Variants in PDE10A observed in about 807,000 individuals in gnomAD.
The protein encoded by PDE10A is phosphodiesterase 10A, also known as cAMP and cAMP-inhibited cGMP 3',5'-cyclic phosphodiesterase 10A.
A neutral mutation model predicts 97.7 loss-of-function variants in PDE10A; 39 were observed. The observed-to-expected ratio is 0.40, with a 90% confidence interval of 0.31 to 0.52. PDE10A has a LOEUF of 0.52. Among genes scored for constraint, PDE10A ranks in the 20% least tolerant of loss-of-function variants. The pLI is 0.56. For synonymous variants in PDE10A, 371 were observed against 376.8 expected, an observed-to-expected ratio of 0.98 and a Z score of 0.18; for missense variants, 731 against 1,047.8, an observed-to-expected ratio of 0.70 and a Z score of 4.17.
At chr6:165,458,916 T>A (rs1161738512) in intron 3 of PDE10A, among the ~76,000 whole-genome samples, 1 of 152,170 alleles carries the variant, frequency 6.6e-6, no homozygotes, top group African/African-American at 2.4e-5. Flanking sequence ...TATAAAGGAT[T>A]ATGACCCCCC....
chr6:165,568,043 G>A (rs563549983), intron 1 of PDE10A, among the ~76,000 whole-genome samples: 1 of 121,728 alleles, frequency 8.2e-6, no homozygotes, highest in Non-Finnish European at 1.6e-5. Flanking sequence ...CTGTCGCCCA[G>A]GCTGGAGTGC....
Position 165,328,800 on chromosome 6 carries a change from TACAG to T in PDE10A, c.*4221_*4224del, listed in dbSNP as rs765685007. 1 of 152,218 alleles carries T rather than the reference TACAG, an allele frequency of 6.6e-6. No individual in the cohort carries two copies. Among genetic ancestry groups the T allele is most frequent in the Admixed American group, 6.5e-5 (1 of 15,278 alleles). 9.4% of individuals were successfully genotyped at this position (152,218 alleles called of 1,614,324 possible). A position where few individuals can be genotyped will look rare whatever the true frequency, so the allele number is the denominator to read the frequency against. ...TTATCATATAAAATGCTTCCAACGC[TACAG>T]ACAACCAAAATATTCCGTTGGAAAA... On this transcript the variant is annotated 3_prime_UTR_variant, in exon 22 of 22. Transcript: ENST00000539869.
chr6:165,609,725 G>T (rs1337143569), intron 1 of PDE10A, among the ~76,000 whole-genome samples: 1 of 152,090 alleles, frequency 6.6e-6, no homozygotes, highest in East Asian at 1.9e-4. Context: ...CAGACAAACA[G>T]AGAGCCAAAT....
chr6:165,640,040 A>C (rs1292143285), intron 1 of PDE10A, among the ~76,000 whole-genome samples: 1 of 150,894 alleles, frequency 6.6e-6, no homozygotes, highest in African/African-American at 2.4e-5. Flanking sequence ...ACTGCACTCA[A>C]GCCTGGGCCA....
rs954502093 is a variant in PDE10A at position 165,546,956 on chromosome 6, A to G, written c.866-3388T>C. On this transcript the variant is annotated intron_variant, in intron 1 of 21. Coordinates refer to ENST00000539869, the MANE Select transcript of PDE10A (RefSeq NM_001385079.1). Reference sequence around the variant, plus strand: ...TATCCCGGTATAATTGCATACATACAGCACCTAGAGCTTGGTTGCTAGTAT... The same window carrying G: ...TATCCCGGTATAATTGCATACATACGGCACCTAGAGCTTGGTTGCTAGTAT... Among the ~76,000 whole-genome samples the G allele has an allele frequency of 2.0e-5, 3 of 152,260 alleles. No individual in the cohort carries two copies. The East Asian group carries it at 5.8e-4, about 29-fold the overall frequency.
At chr6:165,917,949 C>A (rs1311912290) in intron 1 of PDE10A, among the ~76,000 whole-genome samples, 2 of 152,166 alleles carry the variant, frequency 1.3e-5, no homozygotes, top group African/African-American at 2.4e-5. Context: ...CAGCCACTGG[C>A]GCGCTGTCTT....
intron 2 of PDE10A, among the ~76,000 whole-genome samples, chr6:165,536,622 C>CA (rs1375989643): frequency 6.7e-6 from 1 of 150,370 alleles, no homozygotes; most frequent in East Asian, 2.0e-4. Flanking sequence ...AAAATCTGAG[C>CA]AAAAAATTAG....
In PDE10A at chr6:165,769,771, CAG is replaced by C. The variant is rs1777954959; in HGVS notation, c.-615+217756_-615+217757del. On this transcript the variant is annotated intron_variant, in intron 1 of 19. Transcript: ENST00000366882. The stretch of plus-strand genomic sequence containing the variant: ...AGGCATTTTACAACATGGAATAGAG[CAG>C]AGAGAGGGCATTGGTGCTCCGTTTT... Among the ~76,000 whole-genome samples the C allele has an allele frequency of 2.6e-5, 4 of 152,178 alleles. No individual in the cohort carries two copies. In the South Asian group the frequency reaches 8.3e-4, roughly 32 times the overall value.
intron 1 of PDE10A, among the ~76,000 whole-genome samples, chr6:165,738,213 C>T (rs1051197809): frequency 3.4e-4 from 47 of 138,566 alleles, no homozygotes; most frequent in Non-Finnish European, 1.1e-4. Context: ...CTTCCTGTGT[C>T]CATGTGATCT....
intron 2 of PDE10A, among the ~76,000 whole-genome samples, chr6:165,531,650 G>A (rs1782784102): frequency 6.6e-6 from 1 of 152,080 alleles, no homozygotes; most frequent in African/African-American, 2.4e-5. Context: ...CAATGTAAAT[G>A]TACCTATAAA....
intron 1 of PDE10A, among the ~76,000 whole-genome samples, chr6:165,566,147 C>T (rs914036609): frequency 6.6e-6 from 1 of 152,026 alleles, no homozygotes; most frequent in South Asian, 2.1e-4. Context: ...AAAAGACAAG[C>T]CACAGATTGG....
rs115447207 is a variant in PDE10A, at chr6:165,389,626, G to A, written c.2455-1173C>T. ...CTGAGGCGAAGGAGTCTACTTGATA[G>A]TCAAGTGGAGATTTGACAAGTGGAG... On this transcript the variant is annotated intron_variant, in intron 16 of 21. Transcript: ENST00000539869. 7.1e-3 allele frequency among the ~76,000 whole-genome samples: 1,081 copies of A among 152,308 alleles called. 18 individuals carry two copies. The highest frequency in any genetic ancestry group is 0.025 in the African/African-American group (1,038 of 41,556).
At chr6:165,600,604 C>T (rs1379496123) in intron 1 of PDE10A, among the ~76,000 whole-genome samples, 2 of 152,228 alleles carry the variant, frequency 1.3e-5, no homozygotes, top group African/African-American at 4.8e-5. Flanking sequence ...CCAGCAGCAT[C>T]TAGTCACCTT....
rs1261069438 is a variant in PDE10A at position 165,328,783 on chromosome 6, T to C, written c.*4242A>G. The C allele has an allele frequency of 6.6e-6, 1 of 152,218 alleles. No homozygotes were observed. Among genetic ancestry groups the C allele is most frequent in the Non-Finnish European group, 1.5e-5 (1 of 68,034 alleles). The allele number at this position is 152,218 out of a possible 1,614,324, so 9.4% of individuals were successfully genotyped here. ...ATTTTTTCTTGCTATTTTTATCATA[T>C]AAAATGCTTCCAACGCTACAGACAA... is the stretch of plus-strand genomic sequence containing the variant. On this transcript the variant is annotated 3_prime_UTR_variant, in exon 22 of 22. Transcript: ENST00000539869.
intron 1 of PDE10A, among the ~76,000 whole-genome samples, chr6:165,856,850 C>T (rs912684688): frequency 1.3e-5 from 2 of 152,152 alleles, no homozygotes; most frequent in African/African-American, 2.4e-5. Flanking sequence ...GTCCAAGAAC[C>T]TCCAGCCACT....
At chr6:165,545,743 T>TA (rs564305400) in intron 1 of PDE10A, among the ~76,000 whole-genome samples, 50 of 151,144 alleles carry the variant, frequency 3.3e-4, no homozygotes, top group African/African-American at 8.2e-4. Context: ...TGGCTAAAAT[T>TA]AAAAAAAAAC....
At chr6:165,432,491 A>G (rs1789662862) in intron 7 of PDE10A, among the ~76,000 whole-genome samples, 2 of 152,192 alleles carry the variant, frequency 1.3e-5, no homozygotes, top group African/African-American at 2.4e-5. Context: ...GAGTGAGGCC[A>G]CTGAAGGAAA....
chr6:165,955,259 G>A (rs1225817335), intron 1 of PDE10A, among the ~76,000 whole-genome samples: 2 of 152,188 alleles, frequency 1.3e-5, no homozygotes, highest in East Asian at 1.9e-4. Context: ...AGAAGGCAAA[G>A]CTCATTTTAA....
At chr6:165,716,146 G>T (rs904173494) in intron 1 of PDE10A, among the ~76,000 whole-genome samples, 1 of 152,196 alleles carries the variant, frequency 6.6e-6, no homozygotes, top group Non-Finnish European at 1.5e-5. Context: ...CAGCTACAGA[G>T]GTCTCTGCTC....
Sources: gnomAD v4.1 joint callset for allele counts (sites outside exome capture counted in the v4.1 genomes callset) on GRCh38, gnomAD v4.1.1 for gene constraint, MANE v1.5 for transcripts, NCBI Gene and HGNC (gene_info 2026-07-23, HGNC 2026-07-21) for gene names.